The following MGST1 variants were observed in gnomAD, a reference collection of about 807,000 sequenced individuals.
MGST1 encodes glutathione S-transferase 12.
In MGST1, 5 loss-of-function variants were observed where a neutral mutation model predicts 8.9. The observed-to-expected ratio is 0.56, with a 90% CI of 0.29 to 1.19. MGST1 has a LOEUF of 1.19. MGST1 is among the 50% of genes most tolerant of loss of function. The probability of loss-of-function intolerance (pLI) is 0.08; values close to 1 mark genes in which losing one functional copy is unlikely to be tolerated. For synonymous variants in MGST1, 54 were observed against 67.8 expected (o/e 0.80, Z 1.00); for missense variants, 182 against 187.4 (o/e 0.97, Z 0.17).
intron 4 of MGST1, among the ~76,000 whole-genome samples, chr12:16,445,073 A>T (rs1019753158): frequency 6.6e-6 from 1 of 151,676 alleles, no homozygotes; most frequent in East Asian, 2.0e-4. Context: ...TTTTGAGTAG[A>T]AAACCGCAGG....
chr12:16,397,725 T>C (rs1375730200), intron 1 of MGST1, among the ~76,000 whole-genome samples: 1 of 151,096 alleles, frequency 6.6e-6, no homozygotes, highest in Non-Finnish European at 1.5e-5. Context: ...GGGAAATGTC[T>C]TTATATATAT....
At chr12:16,566,034 ATAT>A in intron 4 of MGST1, among the ~76,000 whole-genome samples, 1 of 102,038 alleles carries the variant, frequency 9.8e-6, no homozygotes, top group Non-Finnish European at 1.9e-5. Context: ...ATATATATAT[ATAT>A]ATAAAATGGA....
intron 4 of MGST1, among the ~76,000 whole-genome samples, chr12:16,536,563 T>C (rs1941758068): frequency 6.6e-6 from 1 of 152,172 alleles, no homozygotes; most frequent in Non-Finnish European, 1.5e-5. Context: ...ACAATGTATT[T>C]GTCCATTTTC....
chr12:16,440,818 C>G (rs1941032917), downstream of MGST1, among the ~76,000 whole-genome samples: 1 of 151,644 alleles, frequency 6.6e-6, no homozygotes, highest in Non-Finnish European at 1.5e-5. Context: ...AGTGGCTGTG[C>G]CCATTTATGT....
intron 1 of MGST1, among the ~76,000 whole-genome samples, chr12:16,430,894 C>G (rs1940933357): frequency 6.6e-6 from 1 of 152,152 alleles, no homozygotes; most frequent in African/African-American, 2.4e-5. Flanking sequence ...TGTGAAAGTC[C>G]TAGATGGCAC....
chr12:16,449,308 C>T (rs771127197), intron 4 of MGST1, among the ~76,000 whole-genome samples: 2 of 151,792 alleles, frequency 1.3e-5, no homozygotes, highest in Non-Finnish European at 2.9e-5. Flanking sequence ...AGGTGCCATA[C>T]ACTTTTAAGC....
At position 16,401,965 on chromosome 12, in the gene MGST1, A is replaced by G; in HGVS notation, n.778+18361A>G. On this transcript the variant is annotated intron_variant and non_coding_transcript_variant, in intron 1 of 1. Transcript: ENST00000359720. The surrounding 1 kb of genome is among the most constrained non-coding windows in gnomAD (Gnocchi z 4.3). The stretch of plus-strand genomic sequence containing the variant: ...TTGTCAAAGCCTTCTTTGTTGAGGC[A>G]GTCATTCCAGCTCTTCATGAACTCT... 6.2e-7 allele frequency: 1 copy of G among 1,612,228 alleles called. No homozygotes were observed. Among genetic ancestry groups the G allele is most frequent in the Admixed American group, 1.7e-5 (1 of 60,020 alleles).
At position 16,363,601 on chromosome 12, in the gene MGST1, CAG is replaced by C. The variant is rs1328240604; in HGVS notation, c.222-192_222-191del. The C allele has an allele frequency of 2.0e-5, 8 of 405,326 alleles. No individual in the cohort carries two copies. Among genetic ancestry groups the C allele is most frequent in the African/African-American group, 6.1e-5 (3 of 49,226 alleles). The allele number at this position is 405,326 out of a possible 1,614,324, so 25.1% of individuals were successfully genotyped here. ...AAGATACACTAAAAATAAAAAGAAA[CAG>C]AAATAATGAGAGATTCTAAATAAAA... On this transcript the variant is annotated intron_variant, in intron 3 of 3. Coordinates refer to ENST00000396210, the MANE Select transcript of MGST1 (RefSeq NM_020300.5). This position sits in a 1 kb window ranked among gnomAD's most constrained non-coding sequence, Gnocchi z 4.6.
Position 16,546,629 on chromosome 12 carries a change from AGT to A in MGST1, n.483-42892_483-42891del, listed in dbSNP as rs1319031945. ...AATTAAAAACATTTTTAAAAAGTTC[AGT>A]GTGTGTAATTGTTAACACCTGCTAT... On this transcript the variant is annotated intron_variant and non_coding_transcript_variant, in intron 4 of 4. Coordinates refer to the MGST1 transcript ENST00000538857. The surrounding 1 kb of genome is among the most constrained non-coding windows in gnomAD (Gnocchi z 4.7). 1.3e-5 allele frequency among the ~76,000 whole-genome samples: 2 copies of A among 152,162 alleles called. No individual in the cohort carries two copies. The highest frequency in any genetic ancestry group is 4.8e-5 in the African/African-American group (2 of 41,446).
At chr12:16,391,739 T>A (rs1199364967) in intron 1 of MGST1, among the ~76,000 whole-genome samples, 1 of 152,238 alleles carries the variant, frequency 6.6e-6, no homozygotes, top group Non-Finnish European at 1.5e-5. Context: ...CAGAAGCTCT[T>A]AAGTTTAATT....
intron 1 of MGST1, among the ~76,000 whole-genome samples, chr12:16,434,464 T>A (rs1591727087): frequency 8.4e-6 from 1 of 118,702 alleles, no homozygotes; most frequent in Non-Finnish European, 1.9e-5. Flanking sequence ...GTGTGTGTGT[T>A]TCCGTTCAAT....
At chr12:16,411,233 G>A (rs994634878) in intron 1 of MGST1, among the ~76,000 whole-genome samples, 1 of 152,108 alleles carries the variant, frequency 6.6e-6, no homozygotes, top group Admixed American at 6.6e-5. Context: ...CATCCATTGA[G>A]CTCACCGTTA....
intron 1 of MGST1, among the ~76,000 whole-genome samples, chr12:16,405,434 A>C (rs1359042095): frequency 6.6e-6 from 1 of 152,082 alleles, no homozygotes; most frequent in Non-Finnish European, 1.5e-5. Context: ...ACAGCCCACC[A>C]ACCAAAAAAA....
At chr12:16,360,259 T>C (rs1939928056) in intron 3 of MGST1, 6 of 775,014 alleles carry the variant, frequency 7.7e-6, no homozygotes, top group Non-Finnish European at 9.1e-6. Context: ...CTTTCCATTT[T>C]TAAGTTAGAC....
At chr12:16,402,953 C>T (rs917495657) in intron 1 of MGST1, among the ~76,000 whole-genome samples, 5 of 56,388 alleles carry the variant, frequency 8.9e-5, no homozygotes, top group African/African-American at 3.1e-4. Context: ...TTAATATATT[C>T]TCTATATATT....
rs1187305047 is a variant in MGST1, at chr12:16,582,075, T to G, written n.483-7453T>G. Among the ~76,000 whole-genome samples, 1 of 152,194 alleles carries G rather than the reference T, an allele frequency of 6.6e-6. No individual in the cohort carries two copies. The highest frequency in any genetic ancestry group is 1.5e-5 in the Non-Finnish European group (1 of 68,022). On this transcript the variant is annotated intron_variant and non_coding_transcript_variant, in intron 4 of 4. Coordinates refer to the MGST1 transcript ENST00000538857. The surrounding 1 kb of genome is among the most constrained non-coding windows in gnomAD (Gnocchi z 4.1). ...AGTATCCCTGGCTTTTTCTTGGCTT[T>G]AATGGAAATTACTTTAGTATTTAGC...
Position 16,410,839 on chromosome 12 carries a change from A to T in MGST1, n.779-26549A>T, listed in dbSNP as rs1050349734. On this transcript the variant is annotated intron_variant and non_coding_transcript_variant, in intron 1 of 1. Coordinates refer to the MGST1 transcript ENST00000359720. This position sits in a 1 kb window ranked among gnomAD's most constrained non-coding sequence, Gnocchi z 4.4. ...ACAAGAATAACGCCTACATATAACT[A>T]TTTGGTTTGACTCCATTTTTTCCCA... Among the ~76,000 whole-genome samples, 2 of 151,866 alleles carry T rather than the reference A, an allele frequency of 1.3e-5. No homozygotes were observed. Among genetic ancestry groups the T allele is most frequent in the African/African-American group, 4.8e-5 (2 of 41,372 alleles).
Position 16,497,385 on chromosome 12 carries a change from A to G in MGST1, n.483-92143A>G, listed in dbSNP as rs1941477788. Among the ~76,000 whole-genome samples the G allele has an allele frequency of 6.6e-6, 1 of 152,180 alleles. No homozygotes were observed. The highest frequency in any genetic ancestry group is 1.5e-5 in the Non-Finnish European group (1 of 68,016). Reference sequence around the variant, plus strand: ...AGGGAAGCAACAGCAGCAAATGGAAAAGGAGCAAAAAGCTCATTAAAGCAA... The same window carrying G: ...AGGGAAGCAACAGCAGCAAATGGAAGAGGAGCAAAAAGCTCATTAAAGCAA... On this transcript the variant is annotated intron_variant and non_coding_transcript_variant, in intron 4 of 4. Coordinates refer to the MGST1 transcript ENST00000538857. The surrounding 1 kb of genome is among the most constrained non-coding windows in gnomAD (Gnocchi z 4.4).
chr12:16,554,067 A>T (rs1942094225), intron 4 of MGST1, among the ~76,000 whole-genome samples: 1 of 152,190 alleles, frequency 6.6e-6, no homozygotes, highest in South Asian at 2.1e-4. Flanking sequence ...TTAGATTATT[A>T]AACCATCTAA....
Sources: allele counts gnomAD v4.1 joint callset (sites outside exome capture counted in the v4.1 genomes callset), GRCh38; gene constraint gnomAD v4.1.1; non-coding constraint Gnocchi (gnomAD v3.1); transcripts MANE v1.5; gene names NCBI Gene and HGNC (gene_info 2026-07-23, HGNC 2026-07-21).